Variants in CDH18 observed in about 807,000 individuals in gnomAD.
CDH18 encodes cadherin-18.
CDH18 carries 31 observed loss-of-function variants against 67.9 expected under a neutral mutation model. That is an observed-to-expected ratio of 0.46 (90% CI 0.34 to 0.62). The LOEUF is 0.62. Among genes scored for constraint, CDH18 ranks in the 20% least tolerant of loss-of-function variants. The pLI is 0.01. For synonymous variants in CDH18, 362 were observed against 347.2 expected, an observed-to-expected ratio of 1.04 and a Z score of -0.48; for missense variants, 890 against 975.5, an observed-to-expected ratio of 0.91 and a Z score of 1.17.
At chr5:19,949,490 G>A (rs1180677814) in intron 2 of CDH18, among the ~76,000 whole-genome samples, 1 of 152,024 alleles carries the variant, frequency 6.6e-6, no homozygotes, top group Non-Finnish European at 1.5e-5. Context: ...ATAAGTTTTG[G>A]ACTGGAACAA....
In CDH18 at chr5:19,471,673, A is replaced by C. The variant is rs1035483377; in HGVS notation, c.*1553T>G. On this transcript the variant is annotated 3_prime_UTR_variant, in exon 13 of 13. Coordinates refer to ENST00000382275, the MANE Select transcript of CDH18 (RefSeq NM_004934.5). ...AGCAACAACAACAAAACATTATCTA[A>C]AACAATTTGAAAAAAAAAGCCCCAC... 6.6e-6 allele frequency among the ~76,000 whole-genome samples: 1 copy of C among 151,540 alleles called. No homozygotes were observed. Among genetic ancestry groups the C allele is most frequent in the Non-Finnish European group, 1.5e-5 (1 of 68,000 alleles).
At chr5:20,461,238 T>C (rs1443002544) in intron 1 of CDH18, among the ~76,000 whole-genome samples, 1 of 152,190 alleles carries the variant, frequency 6.6e-6, no homozygotes, top group East Asian at 1.9e-4. Flanking sequence ...CCCTTCTGGT[T>C]CTTCTTCTTG....
intron 1 of CDH18, among the ~76,000 whole-genome samples, chr5:20,359,162 C>T (rs1317743309): frequency 1.3e-5 from 2 of 151,896 alleles, no homozygotes; most frequent in African/African-American, 4.8e-5. Context: ...AACTCGGGAC[C>T]TCAGGTGATC....
intron 5 of CDH18, among the ~76,000 whole-genome samples, chr5:19,712,942 C>T (rs990314737): frequency 6.6e-6 from 1 of 151,552 alleles, no homozygotes; most frequent in Non-Finnish European, 1.5e-5. Context: ...AATCAAATTG[C>T]TTGGTAATTA....
intron 1 of CDH18, among the ~76,000 whole-genome samples, chr5:20,409,293 A>G (rs546902807): frequency 6.6e-6 from 1 of 152,000 alleles, no homozygotes; most frequent in East Asian, 1.9e-4. Flanking sequence ...GTCTTAACAC[A>G]TTTAATAAGA....
chr5:20,133,085 C>T (rs961441933), intron 2 of CDH18, among the ~76,000 whole-genome samples: 1 of 152,150 alleles, frequency 6.6e-6, no homozygotes, highest in African/African-American at 2.4e-5. Context: ...CTTCTTTTAA[C>T]ATTTCCTGCA....
chr5:20,291,825 T>C (rs530534067), intron 1 of CDH18, among the ~76,000 whole-genome samples: 70 of 152,314 alleles, frequency 4.6e-4, no homozygotes, highest in Non-Finnish European at 9.1e-4. Flanking sequence ...CACCCATTGA[T>C]CCTAAACTGC....
intron 2 of CDH18, among the ~76,000 whole-genome samples, chr5:19,956,219 G>A (rs4866162): frequency 0.43 from 64,780 of 151,812 alleles, 16,117 homozygotes; most frequent in Middle Eastern, 0.65. Context: ...CCAATTCTAT[G>A]TCTAATTTAG....
intron 3 of CDH18, among the ~76,000 whole-genome samples, chr5:19,780,177 A>G (rs1414265161): frequency 6.6e-6 from 1 of 152,134 alleles, no homozygotes; most frequent in East Asian, 1.9e-4. Flanking sequence ...TCATGTCTTT[A>G]TACAGCACCT....
chr5:20,515,814 C>A (rs2126501967), intron 1 of CDH18, among the ~76,000 whole-genome samples: 1 of 152,122 alleles, frequency 6.6e-6, no homozygotes, highest in Non-Finnish European at 1.5e-5. Context: ...TAGCTTCCTT[C>A]AGTTGGTGCT....
At chr5:20,463,479 G>A (rs1033403784) in intron 1 of CDH18, among the ~76,000 whole-genome samples, 12 of 152,210 alleles carry the variant, frequency 7.9e-5, no homozygotes, top group South Asian at 2.1e-4. Flanking sequence ...CTCAGGAAAC[G>A]TACAATCATG....
At chr5:20,273,380 A>G (rs1745577908) in intron 1 of CDH18, among the ~76,000 whole-genome samples, 3 of 152,174 alleles carry the variant, frequency 2.0e-5, no homozygotes, top group South Asian at 2.1e-4. Context: ...GTAAAAATAC[A>G]TATACTTATG....
intron 1 of CDH18, among the ~76,000 whole-genome samples, chr5:20,421,792 GTA>G (rs1237402067): frequency 2.0e-5 from 3 of 149,284 alleles, no homozygotes; most frequent in African/African-American, 7.6e-5. Flanking sequence ...CAACAAAACA[GTA>G]TAAATACATA....
At chr5:19,748,134 G>GAAAAA in intron 3 of CDH18, among the ~76,000 whole-genome samples, 1 of 67,136 alleles carries the variant, frequency 1.5e-5, no homozygotes, top group Non-Finnish European at 2.6e-5. Context: ...AAAAAAAAAA[G>GAAAAA]AGTACTTTTT....
intron 3 of CDH18, among the ~76,000 whole-genome samples, chr5:19,828,333 T>C (rs376750898): frequency 6.6e-6 from 1 of 151,864 alleles, no homozygotes; most frequent in African/African-American, 2.4e-5. Context: ...TTTCAAAAAA[T>C]TGAGAAGGAT....
At chr5:20,315,781 G>C (rs1404540487) in intron 1 of CDH18, among the ~76,000 whole-genome samples, 2 of 152,030 alleles carry the variant, frequency 1.3e-5, no homozygotes, top group African/African-American at 4.8e-5. Context: ...AGTAACTCTA[G>C]ATCATAGCTC....
intron 5 of CDH18, among the ~76,000 whole-genome samples, chr5:19,663,714 C>T (rs906907354): frequency 3.3e-5 from 5 of 151,850 alleles, no homozygotes; most frequent in Non-Finnish European, 7.4e-5. Flanking sequence ...CTACTTAACT[C>T]TAATTCTCAA....
At chr5:19,544,545 AAAAT>A (rs144610136) in intron 8 of CDH18, among the ~76,000 whole-genome samples, 16,126 of 152,144 alleles carry the variant, frequency 0.11, 1,240 homozygotes, top group African/African-American at 0.22. Context: ...ATGAGATAAA[AAAAT>A]AAATAAAGAT....
intron 10 of CDH18, among the ~76,000 whole-genome samples, chr5:19,513,195 C>G (rs1189427069): frequency 6.6e-6 from 1 of 151,970 alleles, no homozygotes; most frequent in Non-Finnish European, 1.5e-5. Flanking sequence ...ACAGACTTGA[C>G]CTCCAGGGCT....
Sources: gnomAD v4.1 joint callset for allele counts (sites outside exome capture counted in the v4.1 genomes callset) on GRCh38, gnomAD v4.1.1 for gene constraint, MANE v1.5 for transcripts, NCBI Gene and HGNC (gene_info 2026-07-23, HGNC 2026-07-21) for gene names.